PXN: variants seen among roughly 807,000 people sequenced by gnomAD.
PXN encodes testicular tissue protein Li 134.
A neutral mutation model predicts 103.6 loss-of-function variants in PXN; 61 were observed. The observed-to-expected ratio is 0.59, with a 90% CI of 0.48 to 0.73. The LOEUF (loss-of-function observed/expected upper bound fraction) is 0.73. PXN is among the 30% of genes least tolerant of loss of function. The pLI, the probability that PXN is intolerant of heterozygous loss-of-function variation, is 0.00. For synonymous variants in PXN, 562 were observed against 607.8 expected (o/e 0.92, Z 1.11); for missense variants, 1,274 against 1,460.3 (o/e 0.87, Z 2.08).
rs75877114 is a variant in PXN, at chr12:120,215,321, G to T, written c.2404-48C>A. ...TCAGGACTCCTGAGGCTCGGGGTAC[G>T]GTGTCTGGCAGCACAGGGATGGGGG... is the stretch of plus-strand genomic sequence containing the variant. On this transcript the variant is annotated intron_variant, in intron 10 of 14. Coordinates refer to ENST00000637617, the MANE Select transcript of PXN (RefSeq NM_001385981.1). The surrounding 1 kb of genome is among the most constrained non-coding windows in gnomAD (Gnocchi z 4.9). 1 of 1,547,352 alleles carries T rather than the reference G, an allele frequency of 6.5e-7. No individual in the cohort carries two copies.
Position 120,214,013 on chromosome 12 carries a change from G to C in PXN, c.2831-23C>G, listed in dbSNP as rs1406181188. On this transcript the variant is annotated intron_variant, in intron 13 of 14. Coordinates refer to ENST00000637617, the MANE Select transcript of PXN (RefSeq NM_001385981.1). The surrounding 1 kb of genome is among the most constrained non-coding windows in gnomAD (Gnocchi z 5.0). ...ACCCTGGGGAGCGGGGGTTTTGGAG[G>C]CACAGTTCATTCCGGCTTCCAGAAG... 1.9e-6 allele frequency: 3 copies of C among 1,609,020 alleles called. No homozygotes were observed. The highest frequency in any genetic ancestry group is 1.7e-5 in the Admixed American group (1 of 59,438).
chr12:120,242,750 A>G (rs1377931012), intron 1 of PXN, among the ~76,000 whole-genome samples: 5 of 152,110 alleles, frequency 3.3e-5, no homozygotes, highest in Admixed American at 3.3e-4. Flanking sequence ...GTGTGGTGGT[A>G]CACGCCTGTA....
intron 1 of PXN, among the ~76,000 whole-genome samples, chr12:120,231,820 G>A (rs1250902944): frequency 6.6e-6 from 1 of 152,202 alleles, no homozygotes; most frequent in Non-Finnish European, 1.5e-5. Context: ...AAGACCAACT[G>A]TGCCAGGCCC....
At chr12:120,226,577 G>T in intron 1 of PXN, 1 of 1,199,654 alleles carries the variant, frequency 8.3e-7, no homozygotes, top group Non-Finnish European at 1.1e-6. Flanking sequence ...ACCACAATGT[G>T]ATTCTAAGCC....
In PXN at chr12:120,214,043, G is replaced by T; in HGVS notation, c.2831-53C>A. The T allele has an allele frequency of 6.3e-7, 1 of 1,594,922 alleles. No homozygotes were observed. Among genetic ancestry groups the T allele is most frequent in the Non-Finnish European group, 8.5e-7 (1 of 1,171,552 alleles). On this transcript the variant is annotated intron_variant, in intron 13 of 14. Coordinates refer to ENST00000637617, the MANE Select transcript of PXN (RefSeq NM_001385981.1). This position sits in a 1 kb window ranked among gnomAD's most constrained non-coding sequence, Gnocchi z 5.0. ...GTTCATTCCGGCTTCCAGAAGTGGA[G>T]CCACTCTGACTCCAACCTCAGCAGC...
chr12:120,237,707 G>C (rs1339967417), intron 1 of PXN, among the ~76,000 whole-genome samples: 2 of 152,106 alleles, frequency 1.3e-5, no homozygotes, highest in African/African-American at 4.8e-5. Flanking sequence ...ACCTCATCCA[G>C]CCCTGGGTCT....
chr12:120,253,404 C>T (rs1447300124), intron 1 of PXN, among the ~76,000 whole-genome samples: 2 of 151,976 alleles, frequency 1.3e-5, no homozygotes, highest in Non-Finnish European at 2.9e-5. Flanking sequence ...ACCCCAGAGG[C>T]GGAGGTTGCA....
At position 120,223,704 on chromosome 12, in the gene PXN, G is replaced by A. The variant is rs1885951229; in HGVS notation, c.356+14C>T. On this transcript the variant is annotated intron_variant, in intron 3 of 14. Transcript: ENST00000637617. The stretch of plus-strand genomic sequence containing the variant: ...AGCAGGAGGGAAGGTGCCCTGGGCA[G>A]ACTGGGGCAGTACCTGTAGACGTGC... The A allele has an allele frequency of 6.5e-7, 1 of 1,550,008 alleles. No homozygotes were observed. Among genetic ancestry groups the A allele is most frequent in the African/African-American group, 1.4e-5 (1 of 73,362 alleles).
chr12:120,260,870 G>C (rs1893774179), intron 1 of PXN, among the ~76,000 whole-genome samples: 1 of 152,174 alleles, frequency 6.6e-6, no homozygotes, highest in South Asian at 2.1e-4. Flanking sequence ...GGGAGGCTGA[G>C]GGAAGAGGAA....
rs369457359 is a variant in PXN, at chr12:120,214,132, G to A, written c.2830+4C>T. The A allele has an allele frequency of 5.2e-6, 8 of 1,552,900 alleles. No homozygotes were observed. Among genetic ancestry groups the A allele is most frequent in the African/African-American group, 4.1e-5 (3 of 73,072 alleles). ...GTGGGTCAGTCCGCCGGTCCAGCCCGTACCTTCGGGACCAAAGAAGGCTCC... is the reference window on the plus strand; with the variant it reads ...GTGGGTCAGTCCGCCGGTCCAGCCCATACCTTCGGGACCAAAGAAGGCTCC... On this transcript the variant is annotated splice_donor_region_variant and intron_variant, in intron 13 of 14. Transcript: ENST00000637617. The surrounding 1 kb of genome is among the most constrained non-coding windows in gnomAD (Gnocchi z 5.0).
chr12:120,223,631 C>T (rs1289196545), intron 3 of PXN, 87 bp downstream of exon 3: 6 of 1,039,584 alleles, frequency 5.8e-6, no homozygotes, highest in African/African-American at 4.8e-5. Flanking sequence ...TATGCCTGCT[C>T]CCGGGCCTCC....
intron 1 of PXN, among the ~76,000 whole-genome samples, chr12:120,251,707 T>C (rs1482553857): frequency 1.4e-5 from 2 of 147,604 alleles, no homozygotes; most frequent in Middle Eastern, 3.8e-3. Flanking sequence ...ATCCCAGCTA[T>C]TTGGGAGGCT....
intron 1 of PXN, among the ~76,000 whole-genome samples, chr12:120,240,207 C>T (rs922106384): frequency 6.6e-6 from 1 of 152,080 alleles, no homozygotes; most frequent in African/African-American, 2.4e-5. Context: ...ATAAAGCAGT[C>T]CTGGTACATC....
At position 120,212,341 on chromosome 12, in the gene PXN, CTGACAG is replaced by C. The variant is rs1254044858; in HGVS notation, c.3213_3218del (p.Tyr1071_Gln1073delinsTer). On this transcript the variant is annotated stop_gained and inframe_deletion, in exon 15 of 15. Coordinates refer to ENST00000637617, the MANE Select transcript of PXN (RefSeq NM_001385981.1). LOFTEE classifies it high-confidence loss of function. The surrounding 1 kb of genome is among the most constrained non-coding windows in gnomAD (Gnocchi z 7.2). ...AGCAGAAGAGCTTGAGGAAGCAGTT[CTGACAG>C]TAAGGCTTGTCGTTCTGCTCCTTGA... 6.2e-7 allele frequency: 1 copy of C among 1,613,756 alleles called. No homozygotes were observed. Among genetic ancestry groups the C allele is most frequent in the African/African-American group, 1.3e-5 (1 of 74,930 alleles).
At chr12:120,227,217 T>G (rs959078958) in intron 1 of PXN, 4 of 942,282 alleles carry the variant, frequency 4.2e-6, no homozygotes, top group South Asian at 4.8e-5. Context: ...AATTTAAAAA[T>G]TAGCTGGGTG....
Position 120,219,840 on chromosome 12 carries a change from G to T in PXN, c.1083C>A (p.Phe361Leu). The T allele has an allele frequency of 6.3e-7, 1 of 1,598,444 alleles. No individual in the cohort carries two copies. The highest frequency in any genetic ancestry group is 8.5e-7 in the Non-Finnish European group (1 of 1,179,802). ...CCTCCACAGAGGGAGACCTTGAGTTGAAGGTGTCAGGCATCACCCCAAGAC... is the reference window on the plus strand; with the variant it reads ...CCTCCACAGAGGGAGACCTTGAGTTTAAGGTGTCAGGCATCACCCCAAGAC... The part of the protein sequence containing the change: ...LAGLGVMPDT[F>L]NSRSPSVEGS... The change falls in exon 7 of 15, where the codon TTC (phenylalanine) becomes TTA (leucine). Residue 361 changes from phenylalanine to leucine, a missense_variant. Phe to Leu is a conservative substitution (Grantham distance 22, BLOSUM62 0). Around this residue, in one of 2 missense-constraint regions of PXN, gnomAD observed 1,178 missense variants for 1,309.0 expected, o/e 0.90. Transcript: ENST00000637617. The surrounding 1 kb of genome is among the most constrained non-coding windows in gnomAD (Gnocchi z 6.5).
At position 120,232,911 on chromosome 12, in the gene PXN, C is replaced by T. The variant is rs147437820; in HGVS notation, c.14-8534G>A. ...TTTTTCAGGCAGCAAGGTCATTTCC[C>T]GAAGTCAGCTCTCGCTTGCCTGACT... On this transcript the variant is annotated intron_variant, in intron 1 of 14. Coordinates refer to ENST00000637617, the MANE Select transcript of PXN (RefSeq NM_001385981.1). 6.3e-3 allele frequency among the ~76,000 whole-genome samples: 957 copies of T among 152,246 alleles called. 11 individuals carry two copies. The highest frequency in any genetic ancestry group is 0.022 in the African/African-American group (905 of 41,546).
rs748552504 is a variant in PXN, at chr12:120,226,313, G to C, written c.14-1936C>G. On this transcript the variant is annotated intron_variant, in intron 1 of 14. Transcript: ENST00000637617. ...GCAACCCCAGTAGGGGGCAGGAGCAGCTGCCATCCTTGAAGGCCCACTGGG... is the reference window on the plus strand; with the variant it reads ...GCAACCCCAGTAGGGGGCAGGAGCACCTGCCATCCTTGAAGGCCCACTGGG... The C allele has an allele frequency of 7.8e-6, 10 of 1,289,098 alleles. No individual in the cohort carries two copies. The South Asian group carries it at 1.2e-4, about 16-fold the overall frequency. 79.9% of individuals were successfully genotyped at this position (1,289,098 alleles called of 1,614,324 possible).
chr12:120,249,778 G>A (rs1057169388), intron 1 of PXN: 23 of 855,856 alleles, frequency 2.7e-5, no homozygotes, highest in Non-Finnish European at 3.1e-5. Flanking sequence ...AGAGAGAGAA[G>A]GGGGAGGAGT....
Sources: gnomAD v4.1 joint callset for allele counts (sites outside exome capture counted in the v4.1 genomes callset) on GRCh38, gnomAD v4.1.1 for gene constraint, gnomAD v4.1.1 regional missense constraint, Gnocchi (gnomAD v3.1) non-coding constraint, MANE v1.5 for transcripts, NCBI Gene and HGNC (gene_info 2026-07-23, HGNC 2026-07-21) for gene names.